The following PTPDC1 variants were observed in gnomAD, a reference collection of about 807,000 sequenced individuals.
PTPDC1 encodes protein tyrosine phosphatase domain containing 1.
In PTPDC1, 53 loss-of-function variants were observed where a neutral mutation model predicts 75.3. That is an observed-to-expected ratio of 0.70 (90% confidence interval 0.56 to 0.88). The LOEUF (loss-of-function observed/expected upper bound fraction) is 0.88, where lower values mean the gene tolerates loss of function less well. Among genes scored for constraint, PTPDC1 ranks in the 40% least tolerant of loss-of-function variants. The pLI, the probability that PTPDC1 is intolerant of heterozygous loss-of-function variation, is 0.00. For synonymous variants in PTPDC1, 349 were observed against 366.2 expected, an observed-to-expected ratio of 0.95 and a Z score of 0.54; for missense variants, 925 against 998.6, an observed-to-expected ratio of 0.93 and a Z score of 0.99.
At chr9:94,037,985 C>T (rs1044833170) in intron 1 of PTPDC1, 5 of 295,084 alleles carry the variant, frequency 1.7e-5, no homozygotes, top group African/African-American at 4.4e-5. Context: ...CGTCCGGCTT[C>T]GGGGTAGGAA....
At chr9:94,067,897 C>T (rs1415506275) in intron 2 of PTPDC1, among the ~76,000 whole-genome samples, 8 of 152,262 alleles carry the variant, frequency 5.3e-5, no homozygotes, top group South Asian at 2.1e-4. Flanking sequence ...CTACCGTGCC[C>T]GGCTTTCAAT....
At chr9:94,051,791 G>A (rs1427940154) in intron 1 of PTPDC1, among the ~76,000 whole-genome samples, 1 of 152,100 alleles carries the variant, frequency 6.6e-6, no homozygotes, top group African/African-American at 2.4e-5. Context: ...TCTTTTTGCT[G>A]TCCATGGGAT....
At chr9:94,062,316 G>A (rs1486835354) in intron 1 of PTPDC1, among the ~76,000 whole-genome samples, 1 of 152,078 alleles carries the variant, frequency 6.6e-6, no homozygotes, top group Non-Finnish European at 1.5e-5. Context: ...ATCACTATCA[G>A]CATTTTAGTT....
intron 1 of PTPDC1, among the ~76,000 whole-genome samples, chr9:94,036,296 T>A (rs1244289821): frequency 2.6e-5 from 4 of 152,170 alleles, no homozygotes; most frequent in African/African-American, 4.8e-5. Flanking sequence ...TGTTTTTGTC[T>A]CAGAGTTTTC....
chr9:94,033,162 G>A (rs1032917950), intron 1 of PTPDC1, among the ~76,000 whole-genome samples: 1 of 152,040 alleles, frequency 6.6e-6, no homozygotes, highest in Non-Finnish European at 1.5e-5. Flanking sequence ...TCCCCAGCCT[G>A]CACGTCCTTT....
intron 8 of PTPDC1, among the ~76,000 whole-genome samples, chr9:94,105,065 C>T (rs981666262): frequency 3.3e-5 from 5 of 152,164 alleles, no homozygotes; most frequent in African/African-American, 9.6e-5. Context: ...ATGACAACAT[C>T]TGTGGTAACA....
chr9:94,060,821 C>G (rs1347564918), intron 1 of PTPDC1, among the ~76,000 whole-genome samples: 2 of 152,166 alleles, frequency 1.3e-5, no homozygotes, highest in Non-Finnish European at 2.9e-5. Flanking sequence ...CCAGTTACCT[C>G]CCACCAAGCC....
chr9:94,105,832 G>A (rs1350079704), intron 8 of PTPDC1, among the ~76,000 whole-genome samples: 1 of 151,514 alleles, frequency 6.6e-6, no homozygotes, highest in Non-Finnish European at 1.5e-5. Flanking sequence ...AATTAACTGG[G>A]TATGGTGGCA....
chr9:94,076,003 T>C (rs1257326504), intron 2 of PTPDC1, among the ~76,000 whole-genome samples: 8 of 152,034 alleles, frequency 5.3e-5, no homozygotes, highest in Non-Finnish European at 1.2e-4. Context: ...TTTTGTTTGT[T>C]TGTTTGTTTT....
intron 1 of PTPDC1, among the ~76,000 whole-genome samples, chr9:94,058,166 T>C (rs1587854827): frequency 6.6e-6 from 1 of 152,020 alleles, no homozygotes; most frequent in East Asian, 1.9e-4. Flanking sequence ...CCAAGGTGGC[T>C]AGAATTTGCA....
At chr9:94,090,315 A>G (rs1210883418) in intron 4 of PTPDC1, among the ~76,000 whole-genome samples, 1 of 122,408 alleles carries the variant, frequency 8.2e-6, no homozygotes, top group Non-Finnish European at 1.7e-5. Flanking sequence ...CAGTTTTCCC[A>G]CCACCATTTA....
intron 1 of PTPDC1, among the ~76,000 whole-genome samples, chr9:94,063,355 A>G (rs1826202515): frequency 6.6e-6 from 1 of 152,230 alleles, no homozygotes; most frequent in Non-Finnish European, 1.5e-5. Flanking sequence ...CTTAATGGAT[A>G]TCCTTTCAAA....
chr9:94,064,916 C>G (rs1826255465), intron 2 of PTPDC1: 1 of 869,152 alleles, frequency 1.2e-6, no homozygotes, highest in Admixed American at 2.5e-5. Context: ...AGGCTCTCTT[C>G]TTCATATTGG....
In PTPDC1 at chr9:94,097,728, A is replaced by G. The variant is rs1827655018; in HGVS notation, c.1162A>G (p.Lys388Glu). The G allele has an allele frequency of 1.9e-6, 3 of 1,614,208 alleles. No homozygotes were observed. The highest frequency in any genetic ancestry group is 2.5e-6 in the Non-Finnish European group (3 of 1,180,038). Residue 388 changes from lysine (K) to glutamate (E), a missense_variant, in exon 6 of 9, where the codon AAA (lysine) becomes GAA (glutamate). Transcript: ENST00000620992. ...MSEMVTMQLD[K>E]ELLRHDSDVS... Reference sequence around the variant, plus strand: ...TGAGATGGTCACCATGCAGCTGGATAAAGAGTTACTGAGGCATGACAGTGA... The same window carrying G: ...TGAGATGGTCACCATGCAGCTGGATGAAGAGTTACTGAGGCATGACAGTGA...
At chr9:94,066,202 T>C (rs986259078) in intron 2 of PTPDC1, among the ~76,000 whole-genome samples, 5 of 152,314 alleles carry the variant, frequency 3.3e-5, no homozygotes, top group Admixed American at 6.5e-5. Flanking sequence ...ACCACCTGTA[T>C]TGTGATCCAC....
chr9:94,083,396 C>T (rs1198049208), upstream of PTPDC1, among the ~76,000 whole-genome samples: 3 of 151,650 alleles, frequency 2.0e-5, no homozygotes, highest in Non-Finnish European at 4.4e-5. Context: ...CAAAAGTGCA[C>T]ATTACTGGGG....
chr9:94,043,229 C>G (rs1321733042), intron 1 of PTPDC1, among the ~76,000 whole-genome samples: 1 of 152,140 alleles, frequency 6.6e-6, no homozygotes, highest in Non-Finnish European at 1.5e-5. Context: ...TCCATCCTTG[C>G]CACTTTGATA....
chr9:94,094,541 C>T (rs1260901226), intron 4 of PTPDC1, among the ~76,000 whole-genome samples: 1 of 152,158 alleles, frequency 6.6e-6, no homozygotes, highest in Non-Finnish European at 1.5e-5. Context: ...TTTGTCTGTG[C>T]CCTGCCCCCA....
At chr9:94,055,129 G>C (rs150095172) in intron 1 of PTPDC1, among the ~76,000 whole-genome samples, 1 of 152,124 alleles carries the variant, frequency 6.6e-6, no homozygotes, top group Non-Finnish European at 1.5e-5. Context: ...TATTTAATAG[G>C]TCTTTATTGT....
Sources: gnomAD v4.1 joint callset for allele counts (sites outside exome capture counted in the v4.1 genomes callset) on GRCh38, gnomAD v4.1.1 for gene constraint, MANE v1.5 for transcripts, NCBI Gene and HGNC (gene_info 2026-07-23, HGNC 2026-07-21) for gene names.